The following ACTN1 variants were observed in gnomAD, a reference collection of about 807,000 sequenced individuals.
The protein encoded by ACTN1 is alpha-actinin-1.
ACTN1 carries 30 observed loss-of-function variants against 119.6 expected under a neutral mutation model. That is an observed-to-expected ratio of 0.25 (90% CI 0.19 to 0.34). The LOEUF (loss-of-function observed/expected upper bound fraction) is 0.34, where lower values mean the gene tolerates loss of function less well. ACTN1 is among the 10% of genes least tolerant of loss of function. The pLI is 1.00. For synonymous variants in ACTN1, 429 were observed against 472.6 expected (o/e 0.91, Z 1.20); for missense variants, 764 against 1,223.4 (o/e 0.62, Z 5.60).
Position 68,958,750 on chromosome 14 carries a change from T to C in ACTN1, c.105+20202A>G, listed in dbSNP as rs117672662. Among the ~76,000 whole-genome samples the C allele has an allele frequency of 7.8e-3, 1,192 of 152,294 alleles. 54 individuals carry two copies. The highest frequency in any genetic ancestry group is 0.06 in the Admixed American group (917 of 15,292). On this transcript the variant is annotated intron_variant, in intron 1 of 21. Transcript: ENST00000394419. ...AAGTGTCCAATAATGGAAGAATTAT[T>C]AGCAGAGGACATGCCAGCAGCCAGG... is the stretch of plus-strand genomic sequence containing the variant.
intron 7 of ACTN1, among the ~76,000 whole-genome samples, chr14:68,903,937 C>T (rs766322631): frequency 6.6e-6 from 1 of 152,166 alleles, no homozygotes; most frequent in Non-Finnish European, 1.5e-5. Flanking sequence ...GTTCTAGTGT[C>T]GAACCCTGAA....
chr14:68,950,712 C>A (rs1205957350), intron 1 of ACTN1, among the ~76,000 whole-genome samples: 1 of 151,870 alleles, frequency 6.6e-6, no homozygotes, highest in Non-Finnish European at 1.5e-5. Context: ...CAAGCACCCG[C>A]CACCACGCCT....
chr14:68,969,038 C>G (rs2036794653), intron 1 of ACTN1, among the ~76,000 whole-genome samples: 1 of 152,200 alleles, frequency 6.6e-6, no homozygotes, highest in African/African-American at 2.4e-5. Flanking sequence ...GCTACTGTGG[C>G]CTCCTTGCCC....
intron 1 of ACTN1, among the ~76,000 whole-genome samples, chr14:68,945,013 A>G (rs772048306): frequency 6.6e-6 from 1 of 152,022 alleles, no homozygotes; most frequent in African/African-American, 2.4e-5. Flanking sequence ...CTAAAAATAC[A>G]AAATTAGCTG....
Position 68,879,950 on chromosome 14 carries a change from T to G in ACTN1, c.2280+12A>C. 6.2e-7 allele frequency: 1 copy of G among 1,613,618 alleles called. No individual in the cohort carries two copies. Among genetic ancestry groups the G allele is most frequent in the Non-Finnish European group, 8.5e-7 (1 of 1,179,614 alleles). On this transcript the variant is annotated intron_variant, in intron 18 of 21. Coordinates refer to ENST00000394419, the MANE Select transcript of ACTN1 (RefSeq NM_001130004.2). This position sits in a 1 kb window ranked among gnomAD's most constrained non-coding sequence, Gnocchi z 4.9. The stretch of plus-strand genomic sequence containing the variant: ...GGGGCTGCACTAAGAAAGCACAGGA[T>G]GGGGCTCTCACCCGGTCAAAGTGGT...
chr14:68,944,356 G>C (rs1171637423), intron 1 of ACTN1, among the ~76,000 whole-genome samples: 1 of 152,210 alleles, frequency 6.6e-6, no homozygotes, highest in Non-Finnish European at 1.5e-5. Context: ...CCTCACGCAG[G>C]CCACTGCAGA....
chr14:68,929,287 A>T (rs554025874), intron 1 of ACTN1, among the ~76,000 whole-genome samples: 2 of 152,178 alleles, frequency 1.3e-5, no homozygotes, highest in African/African-American at 2.4e-5. Context: ...CCTGCTCCTT[A>T]GCAGTGCTCC....
chr14:68,885,668 T>C lies in ACTN1; in HGVS notation c.1235-93A>G. On this transcript the variant is annotated intron_variant, in intron 11 of 21. Transcript: ENST00000394419. This position sits in a 1 kb window ranked among gnomAD's most constrained non-coding sequence, Gnocchi z 5.6. ...CCCTCAGGGCCCCAGGAGCTCCACT[T>C]CTGGGGGTGCTTCTCAAGGAGGTGC... The C allele has an allele frequency of 1.4e-6, 2 of 1,406,420 alleles. No homozygotes were observed. The highest frequency in any genetic ancestry group is 1.9e-6 in the Non-Finnish European group (2 of 1,037,188). The allele number at this position is 1,406,420 out of a possible 1,614,324, so 87.1% of individuals were successfully genotyped here. A position where few individuals can be genotyped will look rare whatever the true frequency, so the allele number is the denominator to read the frequency against.
chr14:68,894,505 T>C (rs1301142737), intron 8 of ACTN1, among the ~76,000 whole-genome samples: 1 of 152,002 alleles, frequency 6.6e-6, no homozygotes, highest in Non-Finnish European at 1.5e-5. Context: ...TAAGAAACCT[T>C]AGTGGGAGAG....
intron 1 of ACTN1, chr14:68,977,790 C>A: frequency 3.0e-6 from 1 of 333,830 alleles, no homozygotes; most frequent in Non-Finnish European, 5.9e-6. Context: ...CAAAGGGACG[C>A]GCCATCCTGT....
At chr14:68,911,411 G>A (rs2033996349) in intron 4 of ACTN1, among the ~76,000 whole-genome samples, 3 of 152,248 alleles carry the variant, frequency 2.0e-5, no homozygotes, top group South Asian at 4.1e-4. Flanking sequence ...TAAATACCAA[G>A]TACCCATAAA....
intron 1 of ACTN1, among the ~76,000 whole-genome samples, chr14:68,935,197 T>C (rs2035430495): frequency 6.6e-6 from 1 of 151,632 alleles, no homozygotes; most frequent in South Asian, 2.1e-4. Flanking sequence ...ACTAATTTTG[T>C]ATTTTTAGTA....
chr14:68,953,885 C>CAA (rs756178152), intron 1 of ACTN1, among the ~76,000 whole-genome samples: 2 of 101,846 alleles, frequency 2.0e-5, no homozygotes, highest in African/African-American at 3.6e-5. Flanking sequence ...GACTCTGTCT[C>CAA]AAAAAAAAAA....
Position 68,890,272 on chromosome 14 carries a change from G to C in ACTN1, c.1101C>G (p.Ala367=), listed in dbSNP as rs1441412250. ...EGRMVSDINN[A]WGCLEQVEKG... is the part of the protein sequence containing the mutation. ...TCTCCACCTGCTCCAGGCAGCCCCA[G>C]GCATTGTTGATGTCCTGTGGGGATG... Residue 367 remains alanine (A), a synonymous_variant, in exon 11 of 22, where the codon GCC becomes GCG. Coordinates refer to ENST00000394419, the MANE Select transcript of ACTN1 (RefSeq NM_001130004.2). 1 of 1,614,202 alleles carries C rather than the reference G, an allele frequency of 6.2e-7. No homozygotes were observed.
At chr14:68,912,944 T>A (rs2034090271) in intron 3 of ACTN1, among the ~76,000 whole-genome samples, 1 of 152,152 alleles carries the variant, frequency 6.6e-6, no homozygotes, top group Non-Finnish European at 1.5e-5. Context: ...CACCCACACG[T>A]GGAAAAACAG....
At chr14:68,897,321 C>T (rs1017458506) in intron 8 of ACTN1, among the ~76,000 whole-genome samples, 2 of 151,914 alleles carry the variant, frequency 1.3e-5, no homozygotes, top group South Asian at 2.1e-4. Flanking sequence ...CTTTAAGCTG[C>T]GCTATTATAC....
intron 1 of ACTN1, among the ~76,000 whole-genome samples, chr14:68,930,092 T>C (rs888811939): frequency 1.3e-5 from 2 of 152,198 alleles, no homozygotes; most frequent in East Asian, 3.9e-4. Context: ...ATACTTCCTT[T>C]AAAATGTGTT....
At chr14:68,883,320 G>A in intron 14 of ACTN1, 2 of 423,610 alleles carry the variant, frequency 4.7e-6, no homozygotes, top group Non-Finnish European at 8.5e-6. Flanking sequence ...CAGGGAGAAG[G>A]GCTGCTCCAG....
At chr14:68,952,637 C>T (rs1407808626) in intron 1 of ACTN1, among the ~76,000 whole-genome samples, 1 of 151,486 alleles carries the variant, frequency 6.6e-6, no homozygotes, top group Non-Finnish European at 1.5e-5. Flanking sequence ...ATAAACACAG[C>T]CCTTTTCTGA....
Sources: allele counts gnomAD v4.1 joint callset (sites outside exome capture counted in the v4.1 genomes callset), GRCh38; gene constraint gnomAD v4.1.1; non-coding constraint Gnocchi (gnomAD v3.1); transcripts MANE v1.5; gene names NCBI Gene and HGNC (gene_info 2026-07-23, HGNC 2026-07-21).